TDRD12: variants seen among roughly 807,000 people sequenced by gnomAD.
The protein encoded by TDRD12 is putative ATP-dependent RNA helicase TDRD12.
TDRD12 carries 158 observed loss-of-function variants against 133.5 expected under a neutral mutation model. The ratio of observed to expected loss-of-function variants is 1.18; its 90% CI spans 1.04 to 1.35. TDRD12 has a LOEUF of 1.35. Ranked by LOEUF, TDRD12 falls within the 40% of genes most tolerant of loss-of-function variation. The probability of loss-of-function intolerance (pLI) is 0.00; values close to 1 mark genes in which losing one functional copy is unlikely to be tolerated. For synonymous variants in TDRD12, 460 were observed against 477.9 expected (o/e 0.96, Z 0.49); for missense variants, 1,443 against 1,321.3 (o/e 1.09, Z -1.43).
chr19:32,802,588 G>A, intron 19 of TDRD12, 68 bp from the exon 20 acceptor site: 1 of 1,497,800 alleles, frequency 6.7e-7, no homozygotes, highest in South Asian at 1.2e-5. Context: ...TGTGGCCGTG[G>A]GAACTGCCGG....
chr19:32,746,198 TGTG>T (rs1969617606), intron 4 of TDRD12, among the ~76,000 whole-genome samples: 1 of 138,542 alleles, frequency 7.2e-6, no homozygotes, highest in Non-Finnish European at 1.5e-5. Context: ...GACTGGCTGA[TGTG>T]GTTATTCTGT....
At chr19:32,820,263 T>C (rs999591154) in intron 27 of TDRD12, among the ~76,000 whole-genome samples, 9 of 152,128 alleles carry the variant, frequency 5.9e-5, no homozygotes, top group Admixed American at 5.2e-4. Context: ...CCCCTCCTCC[T>C]CGTGTGTGTG....
chr19:32,773,658 A>G, intron 10 of TDRD12, 126 bp downstream of exon 10: 1 of 669,856 alleles, frequency 1.5e-6, no homozygotes, highest in East Asian at 2.8e-5. Context: ...TGATCGTACC[A>G]CTGTACTCCA....
chr19:32,776,181 T>C (rs1253631387), intron 10 of TDRD12, among the ~76,000 whole-genome samples: 2 of 152,194 alleles, frequency 1.3e-5, no homozygotes, highest in Admixed American at 1.3e-4. Context: ...CCCGTATTCC[T>C]CTGGCCAGAT....
rs557379703 is a variant in TDRD12 at position 32,791,043 on chromosome 19, C to T, written c.1262C>T (p.Ser421Leu). The change falls in exon 13 of 28, where the codon TCG (serine) becomes TTG (leucine). Residue 421 changes from serine (S) to leucine (L), a missense_variant. Coordinates refer to ENST00000444215, the Ensembl canonical transcript of TDRD12. ...AAGCCCTGCTTAACCATTGACTCGT[C>T]GCCGCTGTCAGCAGACCTGAAGAAG... 3.5e-5 allele frequency: 54 copies of T among 1,536,148 alleles called. No individual in the cohort carries two copies. The Admixed American group carries it at 5.7e-4, about 16-fold the overall frequency.
At position 32,786,273 on chromosome 19, in the gene TDRD12, A is replaced by G. The variant is rs185469856; in HGVS notation, c.1122-4258A>G. ...ATTGGCCCCCACTCTCTTCTGGCTT[A>G]TAGTTTCTGCAGAGAGATCCACTGT... is the stretch of plus-strand genomic sequence containing the variant. On this transcript the variant is annotated intron_variant, in intron 11 of 27. Coordinates refer to ENST00000444215, the Ensembl canonical transcript of TDRD12. 8.6e-4 allele frequency among the ~76,000 whole-genome samples: 131 copies of G among 152,272 alleles called. 1 individual carries two copies. The highest frequency in any genetic ancestry group is 7.7e-3 in the Admixed American group (118 of 15,288).
chr19:32,793,059 G>A (rs1288507916), intron 13 of TDRD12, among the ~76,000 whole-genome samples: 1 of 152,104 alleles, frequency 6.6e-6, no homozygotes, highest in Non-Finnish European at 1.5e-5. Context: ...GGTGGCATGT[G>A]CCTATAGTCC....
In TDRD12 at chr19:32,773,630, C is replaced by T. The variant is rs955735375; in HGVS notation, c.1040+98C>T. ...GGGGGATCGCTTAAGCCCAGGAGGT[C>T]GAGGCTTCAGTGAGCTATGATCGTA... is the stretch of plus-strand genomic sequence containing the variant. On this transcript the variant is annotated intron_variant, in intron 10 of 27. Coordinates refer to ENST00000444215, the Ensembl canonical transcript of TDRD12. 21 of 1,037,452 alleles carry T rather than the reference C, an allele frequency of 2.0e-5. No individual in the cohort carries two copies. The East Asian group carries it at 3.7e-4, about 18-fold the overall frequency. 64.3% of individuals were successfully genotyped at this position (1,037,452 alleles called of 1,614,324 possible).
chr19:32,805,170 TATATATATAAC>T, intron 21 of TDRD12, among the ~76,000 whole-genome samples: 1 of 125,142 alleles, frequency 8.0e-6, no homozygotes, highest in South Asian at 2.5e-4. Context: ...TGTTATATAT[TATATATATAAC>T]ATATATAATA....
chr19:32,772,784 G>T, exon 9 of TDRD12: 1 of 1,516,750 alleles, frequency 6.6e-7, no homozygotes, highest in South Asian at 1.3e-5. Context: ...TGGATTCATT[G>T]AGAGATTCAC....
rs543898370 is a variant in TDRD12, at chr19:32,777,019, G to C, written c.1041-130G>C. On this transcript the variant is annotated intron_variant, in intron 10 of 27. Coordinates refer to ENST00000444215, the Ensembl canonical transcript of TDRD12. ...TCCTCCCACCTTGGCCTCCCGAGTT[G>C]CTGGGACTATAGGTGCACACCACCA... 4.8e-4 allele frequency: 293 copies of C among 608,840 alleles called. No homozygotes were observed. The Middle Eastern group carries it at 5.9e-3, about 12-fold the overall frequency. The allele number at this position is 608,840 out of a possible 1,614,324, so 37.7% of individuals were successfully genotyped here.
At chr19:32,786,880 A>G (rs1188446023) in intron 11 of TDRD12, among the ~76,000 whole-genome samples, 1 of 152,194 alleles carries the variant, frequency 6.6e-6, no homozygotes, top group East Asian at 1.9e-4. Flanking sequence ...ATGCTTCTTC[A>G]GCTCAGAGAA....
chr19:32,807,293 A>AAAAAAAAAAAG (rs1568490469), intron 21 of TDRD12, among the ~76,000 whole-genome samples: 1 of 144,644 alleles, frequency 6.9e-6, no homozygotes, highest in African/African-American at 2.5e-5. Flanking sequence ...AAAAAAAAAA[A>AAAAAAAAAAAG]AAAGAAAGTT....
chr19:32,797,312 A>G (rs1971260336), intron 14 of TDRD12, among the ~76,000 whole-genome samples: 1 of 152,028 alleles, frequency 6.6e-6, no homozygotes, highest in African/African-American at 2.4e-5. Context: ...CCCTTTCAGG[A>G]GGCATTTAGT....
chr19:32,765,379 C>T (rs1364365960), intron 8 of TDRD12, among the ~76,000 whole-genome samples: 2 of 152,110 alleles, frequency 1.3e-5, no homozygotes, highest in African/African-American at 4.8e-5. Context: ...CCCAGCCATC[C>T]CATTACTGGG....
chr19:32,732,404 C>T (rs1273801531), intron 2 of TDRD12, among the ~76,000 whole-genome samples: 1 of 152,224 alleles, frequency 6.6e-6, no homozygotes, highest in African/African-American at 2.4e-5. Flanking sequence ...AGAATGTCAT[C>T]TACACCCAGG....
In TDRD12 at chr19:32,733,043, C is replaced by T. The variant is rs561068757; in HGVS notation, c.183+1160C>T. On this transcript the variant is annotated intron_variant, in intron 2 of 27. Coordinates refer to ENST00000444215, the Ensembl canonical transcript of TDRD12. ...AAAAAGATTAGTGGGCATGGTAGCA[C>T]GTGCCTGTGGCCCCAGCTACTCTGG... Among the ~76,000 whole-genome samples the T allele has an allele frequency of 8.5e-5, 13 of 152,242 alleles. No homozygotes were observed. The South Asian group carries it at 2.3e-3, about 27-fold the overall frequency.
At chr19:32,771,889 G>C (rs1970452708) in intron 8 of TDRD12, among the ~76,000 whole-genome samples, 1 of 152,122 alleles carries the variant, frequency 6.6e-6, no homozygotes, top group African/African-American at 2.4e-5. Context: ...TTATTTAATA[G>C]GTGAAAGGCG....
At chr19:32,821,797 C>G (rs915920358), downstream of TDRD12, among the ~76,000 whole-genome samples, 1 of 152,222 alleles carries the variant, frequency 6.6e-6, no homozygotes, top group African/African-American at 2.4e-5. Flanking sequence ...TTGCATGGCT[C>G]TCTCCAGACT....
Sources: gnomAD v4.1 joint callset for allele counts (sites outside exome capture counted in the v4.1 genomes callset) on GRCh38, gnomAD v4.1.1 for gene constraint, MANE v1.5 for transcripts, NCBI Gene and HGNC (gene_info 2026-07-23, HGNC 2026-07-21) for gene names.